TSHZ2: variants seen among roughly 807,000 people sequenced by gnomAD.
TSHZ2 encodes teashirt zinc finger homeobox 2.
In TSHZ2, 21 loss-of-function variants were observed where a neutral mutation model predicts 74.4. The ratio of observed to expected loss-of-function variants is 0.28; its 90% CI spans 0.20 to 0.41. The LOEUF (loss-of-function observed/expected upper bound fraction) is 0.41, where lower values mean the gene tolerates loss of function less well. TSHZ2 is among the 10% of genes least tolerant of loss of function. The pLI, the probability that TSHZ2 is intolerant of heterozygous loss-of-function variation, is 1.00. For missense variants in TSHZ2, 1,244 were observed against 1,293.5 expected (o/e 0.96, Z 0.59); for synonymous variants, 540 against 515.3 (o/e 1.05, Z -0.65).
intron 1 of TSHZ2, among the ~76,000 whole-genome samples, chr20:53,008,281 T>C (rs910392740): frequency 1.3e-5 from 2 of 152,128 alleles, no homozygotes; most frequent in Non-Finnish European, 2.9e-5. Flanking sequence ...TAATTGGGGA[T>C]TGGGTGTCAC....
At chr20:53,016,511 C>T (rs941287663) in intron 1 of TSHZ2, among the ~76,000 whole-genome samples, 12 of 152,162 alleles carry the variant, frequency 7.9e-5, no homozygotes, top group Non-Finnish European at 1.6e-4. Flanking sequence ...TCCACCCATC[C>T]TCAACGCAGG....
chr20:53,384,104 C>G (rs904156073), intron 2 of TSHZ2, among the ~76,000 whole-genome samples: 1 of 152,112 alleles, frequency 6.6e-6, no homozygotes, highest in Non-Finnish European at 1.5e-5. Flanking sequence ...GACAAAAATG[C>G]AAGACCGGGG....
In TSHZ2 at chr20:53,256,687, T is replaced by C. The variant is rs1322116348; in HGVS notation, c.*8+116T>C. ...AATGCCAAGCAGGATAGTAGCTTGCTGGAGTAGGATTTATTTTAATGAAAG... is the reference window on the plus strand; with the variant it reads ...AATGCCAAGCAGGATAGTAGCTTGCCGGAGTAGGATTTATTTTAATGAAAG... On this transcript the variant is annotated intron_variant, in intron 2 of 2. Transcript: ENST00000371497. This position sits in a 1 kb window ranked among gnomAD's most constrained non-coding sequence, Gnocchi z 4.3. 7.1e-7 allele frequency: 1 copy of C among 1,417,800 alleles called. No individual in the cohort carries two copies. Among genetic ancestry groups the C allele is most frequent in the East Asian group, 2.4e-5 (1 of 42,068 alleles). The allele number at this position is 1,417,800 out of a possible 1,614,324, so 87.8% of individuals were successfully genotyped here.
At chr20:53,272,872 G>C (rs909794688) in intron 2 of TSHZ2, among the ~76,000 whole-genome samples, 1 of 152,124 alleles carries the variant, frequency 6.6e-6, no homozygotes, top group Non-Finnish European at 1.5e-5. Flanking sequence ...TAATACTAAG[G>C]GCTAACATCT....
intron 2 of TSHZ2, among the ~76,000 whole-genome samples, chr20:53,479,101 G>A (rs937668826): frequency 6.6e-6 from 1 of 151,732 alleles, no homozygotes; most frequent in East Asian, 1.9e-4. Context: ...GGAGGCGGAG[G>A]TTGCAGTGAG....
intron 2 of TSHZ2, among the ~76,000 whole-genome samples, chr20:53,258,092 G>A (rs2123733048): frequency 6.6e-6 from 1 of 152,322 alleles, no homozygotes; most frequent in Admixed American, 6.5e-5. Flanking sequence ...CTGATGGAGA[G>A]GAGTCCTCCT....
intron 2 of TSHZ2, among the ~76,000 whole-genome samples, chr20:53,479,829 A>G (rs6091681): frequency 6.6e-6 from 1 of 152,076 alleles, no homozygotes; most frequent in Non-Finnish European, 1.5e-5. Context: ...GCCAGGGATG[A>G]GGCTGAATAT....
At chr20:53,106,391 C>CTTTGTTTTTTTTT (rs1986366736) in intron 1 of TSHZ2, among the ~76,000 whole-genome samples, 1 of 58,938 alleles carries the variant, frequency 1.7e-5, no homozygotes, top group African/African-American at 7.0e-5. Flanking sequence ...CTCACACTTT[C>CTTTGTTTTTTTTT]TTTTTTTTTT....
chr20:53,142,569 T>A (rs879038278), intron 1 of TSHZ2, among the ~76,000 whole-genome samples: 1 of 152,244 alleles, frequency 6.6e-6, no homozygotes, highest in Non-Finnish European at 1.5e-5. Context: ...AGTGGGGCTA[T>A]GTTACCTGAA....
chr20:53,345,605 C>T (rs774765045), intron 2 of TSHZ2, among the ~76,000 whole-genome samples: 7 of 152,098 alleles, frequency 4.6e-5, no homozygotes, highest in African/African-American at 1.7e-4. Flanking sequence ...ACTCAGAGAA[C>T]GATCTGCAAA....
intron 1 of TSHZ2, among the ~76,000 whole-genome samples, chr20:53,226,720 T>C (rs1989695124): frequency 6.6e-6 from 1 of 152,198 alleles, no homozygotes; most frequent in African/African-American, 2.4e-5. Context: ...ATTTACCGGG[T>C]ACCGTCCTGT....
chr20:53,088,977 G>A (rs1985785493), intron 1 of TSHZ2, among the ~76,000 whole-genome samples: 1 of 152,120 alleles, frequency 6.6e-6, no homozygotes, highest in South Asian at 2.1e-4. Flanking sequence ...GGATGCACGT[G>A]CTGAGACTGC....
intron 2 of TSHZ2, among the ~76,000 whole-genome samples, chr20:53,280,800 C>T (rs1452121781): frequency 2.0e-5 from 3 of 152,076 alleles, no homozygotes; most frequent in Admixed American, 2.0e-4. Context: ...TCAAGCGATT[C>T]TCCTGTCTCA....
intron 1 of TSHZ2, among the ~76,000 whole-genome samples, chr20:53,252,293 G>A (rs1324325025): frequency 6.6e-6 from 1 of 152,196 alleles, no homozygotes; most frequent in Non-Finnish European, 1.5e-5. Context: ...TTAGTGACTG[G>A]AAATAACAGA....
intron 1 of TSHZ2, among the ~76,000 whole-genome samples, chr20:53,067,190 T>G (rs1985018325): frequency 6.6e-6 from 1 of 152,220 alleles, no homozygotes; most frequent in East Asian, 1.9e-4. Context: ...GACTGTCTCT[T>G]CGATGGTTGA....
chr20:53,387,764 T>G (rs1037863277), intron 2 of TSHZ2, among the ~76,000 whole-genome samples: 1 of 152,116 alleles, frequency 6.6e-6, no homozygotes, highest in Non-Finnish European at 1.5e-5. Flanking sequence ...AAAAGATAAC[T>G]AGGCGGGCAT....
chr20:53,294,495 G>C (rs1600794953), intron 2 of TSHZ2, among the ~76,000 whole-genome samples: 1 of 151,976 alleles, frequency 6.6e-6, no homozygotes, highest in East Asian at 1.9e-4. Flanking sequence ...GAGAGAGAGA[G>C]ACAGAGAGTA....
intron 2 of TSHZ2, among the ~76,000 whole-genome samples, chr20:53,441,784 GT>G (rs1298818768): frequency 6.6e-6 from 1 of 151,184 alleles, no homozygotes; most frequent in Non-Finnish European, 1.5e-5. Flanking sequence ...GTTTTGCCAT[GT>G]TGGCCAGGCT....
intron 2 of TSHZ2, among the ~76,000 whole-genome samples, chr20:53,326,105 T>A (rs1014827578): frequency 6.6e-6 from 1 of 152,182 alleles, no homozygotes; most frequent in Non-Finnish European, 1.5e-5. Context: ...TTAAAGCAAG[T>A]GTCTTACACC....
Sources: gnomAD v4.1 joint callset for allele counts (sites outside exome capture counted in the v4.1 genomes callset) on GRCh38, gnomAD v4.1.1 for gene constraint, Gnocchi (gnomAD v3.1) non-coding constraint, MANE v1.5 for transcripts, NCBI Gene and HGNC (gene_info 2026-07-23, HGNC 2026-07-21) for gene names.